The following NFU1 variants were observed in gnomAD, a reference collection of about 807,000 sequenced individuals.
NFU1 encodes NFU1 iron-sulfur cluster scaffold.
A neutral mutation model predicts 32.2 loss-of-function variants in NFU1; 30 were observed. The observed-to-expected ratio is 0.93, with a 90% CI of 0.70 to 1.26. The LOEUF (loss-of-function observed/expected upper bound fraction) is 1.26, where lower values mean the gene tolerates loss of function less well. NFU1 is among the 50% of genes most tolerant of loss of function. The pLI is 0.00. For synonymous variants in NFU1, 112 were observed against 104.6 expected, an observed-to-expected ratio of 1.07 and a Z score of -0.43; for missense variants, 306 against 306.6, an observed-to-expected ratio of 1.00 and a Z score of 0.02.
intron 3 of NFU1, among the ~76,000 whole-genome samples, chr2:69,421,868 T>TTTATCTGTATG (rs1445377913): frequency 2.6e-5 from 4 of 152,062 alleles, no homozygotes; most frequent in Non-Finnish European, 4.4e-5. Flanking sequence ...GGCCCTGTTC[T>TTTATCTGTATG]TTATCATCTC....
At position 69,415,189 on chromosome 2, in the gene NFU1, T is replaced by G. The variant is rs1463024678; in HGVS notation, c.480A>C (p.Glu160Asp). 1 of 1,573,842 alleles carries G rather than the reference T, an allele frequency of 6.4e-7. No homozygotes were observed. Among genetic ancestry groups the G allele is most frequent in the Non-Finnish European group, 8.7e-7 (1 of 1,143,482 alleles). The change falls in exon 5 of 8, where the codon GAA becomes GAC. Residue 160 changes from glutamate (E) to aspartate (D), a missense_variant. Glu to Asp is a conservative substitution (Grantham distance 45, BLOSUM62 2). Coordinates refer to ENST00000410022, the MANE Select transcript of NFU1 (RefSeq NM_001002755.4). ...PLVTEETPSG[E>D]AGSEEDDEVV... The stretch of plus-strand genomic sequence containing the variant: ...TTACTCAATACAACATGTTACCTGC[T>G]TCTCCTGAAGGTGTTTCCTCAGTAA...
In NFU1 at chr2:69,419,594, TA is replaced by T; in HGVS notation, c.312del (p.Phe104LeufsTer6). 2 of 1,582,040 alleles carry T rather than the reference TA, an allele frequency of 1.3e-6. No individual in the cohort carries two copies. Among genetic ancestry groups the T allele is most frequent in the East Asian group, 2.2e-5 (1 of 44,668 alleles). On this transcript the variant is annotated frameshift_variant, in exon 4 of 8. Transcript: ENST00000410022. LOFTEE classifies it high-confidence loss of function. ...AAGACACTTTTTACTCCTTCAATCC[TA>T]AATAACTGCCTGCAAAAAAAGAAAA... is the stretch of plus-strand genomic sequence containing the variant. ...AFRSPLARQL[F>X]RIEGVKSVFF...
intron 2 of NFU1, among the ~76,000 whole-genome samples, chr2:69,424,048 C>T (rs943117407): frequency 2.0e-5 from 3 of 151,018 alleles, no homozygotes; most frequent in Non-Finnish European, 2.9e-5. Flanking sequence ...TGGCGGGTGC[C>T]TGTAATCCCA....
In NFU1 at chr2:69,423,685, G is replaced by A. The variant is rs1673344140; in HGVS notation, c.199C>T (p.Pro67Ser). Reference sequence around the variant, plus strand: ...ATAAACTTTAAGCTGTTTGGATTTGGGGTATCTTGTGTTTGAATAAACATG... The same window carrying A: ...ATAAACTTTAAGCTGTTTGGATTTGAGGTATCTTGTGTTTGAATAAACATG... Reference protein sequence around the residue: ...RYMFIQTQDTPNPNSLKFIPG... With the variant: ...RYMFIQTQDTSNPNSLKFIPG... The change falls in exon 3 of 8, where the codon CCA (proline) becomes TCA (serine). Residue 67 changes from proline to serine, a missense_variant. Physicochemically the swap from Pro to Ser is moderately conservative, Grantham distance 74 (BLOSUM62 -1). Transcript: ENST00000410022. 1 of 1,606,718 alleles carries A rather than the reference G, an allele frequency of 6.2e-7. No homozygotes were observed. The highest frequency in any genetic ancestry group is 1.3e-5 in the African/African-American group (1 of 74,686).
chr2:69,405,195 G>A (rs1393546443), intron 6 of NFU1, among the ~76,000 whole-genome samples: 1 of 152,080 alleles, frequency 6.6e-6, no homozygotes, highest in Non-Finnish European at 1.5e-5. Context: ...GTAGTGAGCT[G>A]AGATTGCATG....
intron 1 of NFU1, among the ~76,000 whole-genome samples, chr2:69,432,703 G>A (rs1344676578): frequency 6.6e-6 from 1 of 151,922 alleles, no homozygotes; most frequent in Non-Finnish European, 1.5e-5. Flanking sequence ...TTAGAATTAG[G>A]CAATAGAGTC....
intron 2 of NFU1, among the ~76,000 whole-genome samples, chr2:69,431,207 T>G (rs2104812119): frequency 6.6e-6 from 1 of 152,324 alleles, no homozygotes; most frequent in Admixed American, 6.5e-5. Flanking sequence ...TTCTAAGGTC[T>G]GGATGAAAGC....
At chr2:69,424,217 A>ATATATATC (rs1553401343) in intron 2 of NFU1, among the ~76,000 whole-genome samples, 4 of 130,566 alleles carry the variant, frequency 3.1e-5, no homozygotes, top group Admixed American at 1.6e-4. Flanking sequence ...ATATATATAT[A>ATATATATC]TATCTCAATA....
chr2:69,418,985 C>A (rs970016999), intron 4 of NFU1, among the ~76,000 whole-genome samples: 7 of 152,140 alleles, frequency 4.6e-5, no homozygotes, highest in African/African-American at 1.7e-4. Context: ...ATGGAACAGC[C>A]CTTTCTAGCA....
intron 6 of NFU1, among the ~76,000 whole-genome samples, chr2:69,405,774 A>C (rs1672675133): frequency 6.6e-6 from 1 of 152,162 alleles, no homozygotes; most frequent in Admixed American, 6.5e-5. Context: ...ATCAAATCTA[A>C]ATTGAGACTG....
At chr2:69,437,489 C>T, upstream of NFU1, 2 of 1,565,340 alleles carry the variant, frequency 1.3e-6, no homozygotes, top group Non-Finnish European at 8.7e-7. Context: ...CGCAGGCTGG[C>T]CGGTAGCTGG....
chr2:69,435,098 C>A (rs1181440476), intron 1 of NFU1, among the ~76,000 whole-genome samples: 1 of 152,230 alleles, frequency 6.6e-6, no homozygotes, highest in African/African-American at 2.4e-5. Flanking sequence ...TCATTTACAT[C>A]TACACCTTAG....
intron 2 of NFU1, among the ~76,000 whole-genome samples, chr2:69,424,845 G>A (rs372079510): frequency 4.7e-5 from 7 of 149,342 alleles, no homozygotes; most frequent in African/African-American, 1.7e-4. Flanking sequence ...AAGTTATTGT[G>A]TGCTTATTAT....
At chr2:69,408,734 TTATATATATATATATATATATA>T (rs70954344) in intron 5 of NFU1, among the ~76,000 whole-genome samples, 4 of 136,432 alleles carry the variant, frequency 2.9e-5, no homozygotes, top group African/African-American at 5.1e-5. Context: ...ATATAAAATT[TTATATATATATATATATATATA>T]TATATATATA....
At chr2:69,437,754 C>T, upstream of NFU1, 2 of 460,110 alleles carry the variant, frequency 4.3e-6, no homozygotes, top group Non-Finnish European at 8.1e-6. Context: ...TGTTTCCAGC[C>T]CCTAAACCTG....
chr2:69,424,207 A>ATG (rs1405282993), intron 2 of NFU1, among the ~76,000 whole-genome samples: 85 of 138,816 alleles, frequency 6.1e-4, no homozygotes, highest in African/African-American at 2.2e-3. Context: ...AAATATATAT[A>ATG]TATATATATA....
At chr2:69,403,427 A>G (rs4362604) in intron 6 of NFU1, among the ~76,000 whole-genome samples, 101,133 of 151,002 alleles carry the variant, frequency 0.67, 35,390 homozygotes, top group African/African-American at 0.9. Context: ...GTCTTGTTCT[A>G]TCTCCTTGAC....
At chr2:69,408,722 A>C (rs886527901) in intron 5 of NFU1, among the ~76,000 whole-genome samples, 27 of 146,230 alleles carry the variant, frequency 1.8e-4, no homozygotes, top group African/African-American at 6.4e-4. Flanking sequence ...CGTCTCAAAA[A>C]AATATAAAAT....
At chr2:69,401,895 T>C (rs1672533105) in intron 6 of NFU1, among the ~76,000 whole-genome samples, 1 of 128,694 alleles carries the variant, frequency 7.8e-6, no homozygotes, top group South Asian at 2.4e-4. Context: ...ATTATCTTTT[T>C]TCCTTTTTTT....
Sources: gnomAD v4.1 joint callset for allele counts (sites outside exome capture counted in the v4.1 genomes callset) on GRCh38, gnomAD v4.1.1 for gene constraint, MANE v1.5 for transcripts, NCBI Gene and HGNC (gene_info 2026-07-23, HGNC 2026-07-21) for gene names.